ZNF423: variants seen among roughly 807,000 people sequenced by gnomAD.
ZNF423 encodes the protein zinc finger protein 423.
ZNF423 carries 12 observed loss-of-function variants against 95.8 expected under a neutral mutation model. The observed-to-expected ratio is 0.13, with a 90% confidence interval of 0.08 to 0.20. The LOEUF (loss-of-function observed/expected upper bound fraction) is 0.20. ZNF423 is among the 10% of genes least tolerant of loss of function. The pLI, the probability that ZNF423 is intolerant of heterozygous loss-of-function variation, is 1.00. For missense variants in ZNF423, 1,316 were observed against 1,737.1 expected (o/e 0.76, Z 4.31); for synonymous variants, 749 against 711.9 (o/e 1.05, Z -0.83).
chr16:49,554,390 C>A (rs1291011116), intron 5 of ZNF423, among the ~76,000 whole-genome samples: 1 of 152,174 alleles, frequency 6.6e-6, no homozygotes, highest in African/African-American at 2.4e-5. Flanking sequence ...GGTGACCACA[C>A]CTTGACCCAG....
chr16:49,777,856 A>G (rs940161505), intron 2 of ZNF423, among the ~76,000 whole-genome samples: 7 of 152,226 alleles, frequency 4.6e-5, no homozygotes, highest in Admixed American at 4.6e-4. Context: ...GTGGATGCTC[A>G]CTAGATGGTT....
At chr16:49,606,130 C>A (rs1278332319) in intron 5 of ZNF423, among the ~76,000 whole-genome samples, 1 of 152,180 alleles carries the variant, frequency 6.6e-6, no homozygotes, top group African/African-American at 2.4e-5. Context: ...AAACTGTAAA[C>A]AGAGTGAAAG....
chr16:49,673,319 A>G (rs1243431639), intron 3 of ZNF423, among the ~76,000 whole-genome samples: 1 of 152,014 alleles, frequency 6.6e-6, no homozygotes, highest in Non-Finnish European at 1.5e-5. Flanking sequence ...TTGATTGGCA[A>G]TTTTTTCACC....
intron 3 of ZNF423, among the ~76,000 whole-genome samples, chr16:49,691,355 C>G (rs2031773424): frequency 6.6e-6 from 1 of 152,224 alleles, no homozygotes; most frequent in African/African-American, 2.4e-5. Context: ...ATGGGTTTGC[C>G]TCCAAGCTCC....
In ZNF423 at chr16:49,644,658, CAAAAAA is replaced by C. The variant is rs56066766; in HGVS notation, c.302-5790_302-5785del. ...GGGTAACAAGAGTAAAACTCTGACT[CAAAAAA>C]AAAAAAAAAAAAAAAAAAAAAAAAA... is the stretch of plus-strand genomic sequence containing the variant. On this transcript the variant is annotated intron_variant, in intron 3 of 7. Transcript: ENST00000563137. Among the ~76,000 whole-genome samples the C allele has an allele frequency of 4.5e-4, 18 of 39,580 alleles. 1 individual carries two copies. In the South Asian group the frequency reaches 9.1e-3, roughly 20 times the overall value. The allele number at this position is 39,580 out of a possible 152,430, so 26.0% of individuals were successfully genotyped here.
chr16:49,785,712 T>C (rs1163571337), intron 2 of ZNF423, among the ~76,000 whole-genome samples: 1 of 152,202 alleles, frequency 6.6e-6, no homozygotes, highest in Non-Finnish European at 1.5e-5. Context: ...AAGGTCTGTG[T>C]CACCATCCAC....
At chr16:49,856,309 G>C (rs1377917888), upstream of ZNF423, among the ~76,000 whole-genome samples, 1 of 147,064 alleles carries the variant, frequency 6.8e-6, no homozygotes, top group Non-Finnish European at 1.5e-5. Context: ...CACGCAGCCC[G>C]GTGCGGAGCT....
chr16:49,605,993 G>A (rs796730287), intron 5 of ZNF423, among the ~76,000 whole-genome samples: 7 of 152,270 alleles, frequency 4.6e-5, no homozygotes, highest in African/African-American at 1.4e-4. Context: ...TCAAGACTTC[G>A]TAATGAGAAT....
chr16:49,808,619 G>A (rs373612113), intron 1 of ZNF423, among the ~76,000 whole-genome samples: 5 of 152,240 alleles, frequency 3.3e-5, no homozygotes, highest in African/African-American at 9.6e-5. Flanking sequence ...TTCAGCAAGG[G>A]CTGAGTGTTG....
At chr16:49,716,276 C>T (rs975229325) in intron 3 of ZNF423, among the ~76,000 whole-genome samples, 1 of 152,084 alleles carries the variant, frequency 6.6e-6, no homozygotes, top group East Asian at 1.9e-4. Flanking sequence ...GGGTCAGACC[C>T]GCTCCAGCAG....
chr16:49,567,552 AG>A (rs1390133281), intron 5 of ZNF423, among the ~76,000 whole-genome samples: 8 of 152,182 alleles, frequency 5.3e-5, no homozygotes, highest in Admixed American at 3.3e-4. Context: ...CTGGCCAACC[AG>A]GAATCGGACA....
At chr16:49,808,512 G>A (rs2034700783) in intron 1 of ZNF423, among the ~76,000 whole-genome samples, 1 of 152,156 alleles carries the variant, frequency 6.6e-6, no homozygotes, top group Admixed American at 6.5e-5. Flanking sequence ...TCCCATTTTG[G>A]GGACAGTGGG....
intron 5 of ZNF423, among the ~76,000 whole-genome samples, chr16:49,562,202 G>A (rs1260953259): frequency 6.6e-6 from 1 of 152,232 alleles, no homozygotes; most frequent in Non-Finnish European, 1.5e-5. Flanking sequence ...TGAGAAGGGA[G>A]AAGCAGAGAA....
intron 3 of ZNF423, among the ~76,000 whole-genome samples, chr16:49,648,760 G>A (rs1332901878): frequency 4.6e-5 from 7 of 152,154 alleles, no homozygotes; most frequent in Non-Finnish European, 1.0e-4. Context: ...AATATCTCAG[G>A]AAAATCAAAA....
At chr16:49,602,991 C>T (rs984209404) in intron 5 of ZNF423, among the ~76,000 whole-genome samples, 1 of 152,220 alleles carries the variant, frequency 6.6e-6, no homozygotes, top group South Asian at 2.1e-4. Context: ...CGCGTGGAGC[C>T]CTGGCACCTC....
intron 5 of ZNF423, among the ~76,000 whole-genome samples, chr16:49,535,043 C>T (rs2151727723): frequency 6.6e-6 from 1 of 152,316 alleles, no homozygotes; most frequent in Non-Finnish European, 1.5e-5. Context: ...CAGAGCAGGG[C>T]CTGACTGAGT....
chr16:49,813,583 G>A (rs1006428799), intron 1 of ZNF423, among the ~76,000 whole-genome samples: 3 of 152,260 alleles, frequency 2.0e-5, no homozygotes, highest in South Asian at 2.1e-4. Context: ...ACAAACTCCC[G>A]CCCCATGGCA....
Position 49,790,724 on chromosome 16 carries a change from C to A in ZNF423, c.41-1178G>T, listed in dbSNP as rs190816916. Among the ~76,000 whole-genome samples, 3 of 152,350 alleles carry A rather than the reference C, an allele frequency of 2.0e-5. No individual in the cohort carries two copies. The East Asian group carries it at 5.8e-4, about 29-fold the overall frequency. ...AGCCCACCTTCAAATCTCAGCTCTG[C>A]CTCTTACTAGCTGTATATGACCTGA... On this transcript the variant is annotated intron_variant, in intron 1 of 7. Coordinates refer to ENST00000563137, the MANE Select transcript of ZNF423 (RefSeq NM_001379286.1).
chr16:49,576,330 A>G (rs1970499913), intron 5 of ZNF423, among the ~76,000 whole-genome samples: 1 of 152,188 alleles, frequency 6.6e-6, no homozygotes, highest in African/African-American at 2.4e-5. Context: ...TCATGGTGCC[A>G]GGTGAACTCG....
Sources: allele counts gnomAD v4.1 joint callset (sites outside exome capture counted in the v4.1 genomes callset), GRCh38; gene constraint gnomAD v4.1.1; transcripts MANE v1.5; gene names NCBI Gene and HGNC (gene_info 2026-07-23, HGNC 2026-07-21).